The following HNRNPC variants were observed in gnomAD, a reference collection of about 807,000 sequenced individuals.
HNRNPC encodes the protein heterogeneous nuclear ribonucleoproteins C1/C2.
Under a neutral mutation model 33.2 loss-of-function variants are expected in HNRNPC, and 3 were observed. The observed-to-expected ratio is 0.09, with a 90% CI of 0.04 to 0.23. HNRNPC has a LOEUF of 0.23. Among genes scored for constraint, HNRNPC ranks in the 10% least tolerant of loss-of-function variants. The probability of loss-of-function intolerance (pLI) is 1.00; values close to 1 mark genes in which losing one functional copy is unlikely to be tolerated. For missense variants in HNRNPC, 143 were observed against 366.7 expected, an observed-to-expected ratio of 0.39 and a Z score of 4.98; for synonymous variants, 121 against 126.7, an observed-to-expected ratio of 0.96 and a Z score of 0.30.
chr14:21,213,320 T>C (rs897995137), intron 5 of HNRNPC: 17 of 543,836 alleles, frequency 3.1e-5, no homozygotes, highest in Admixed American at 6.8e-5. Context: ...CATAAAATAG[T>C]TGTAATACTG....
chr14:21,224,793 C>A (rs994996386), intron 5 of HNRNPC, among the ~76,000 whole-genome samples: 9 of 152,282 alleles, frequency 5.9e-5, no homozygotes, highest in African/African-American at 2.2e-4. Flanking sequence ...ACAACTCAAT[C>A]TTTGTTACAT....
At chr14:21,238,401 C>T (rs1425422507) in intron 2 of HNRNPC, among the ~76,000 whole-genome samples, 1 of 152,108 alleles carries the variant, frequency 6.6e-6, no homozygotes, top group African/African-American at 2.4e-5. Flanking sequence ...AGAAACACAT[C>T]AAAATATCTT....
chr14:21,246,855 G>C (rs1437842436), intron 2 of HNRNPC, among the ~76,000 whole-genome samples: 1 of 152,156 alleles, frequency 6.6e-6, no homozygotes, highest in Non-Finnish European at 1.5e-5. Flanking sequence ...CAATGAAGAA[G>C]ACATTTGTGA....
At chr14:21,232,500 G>T (rs1169604757) in intron 3 of HNRNPC, among the ~76,000 whole-genome samples, 2 of 151,900 alleles carry the variant, frequency 1.3e-5, no homozygotes, top group African/African-American at 2.4e-5. Context: ...CTCCTGAGCG[G>T]CTGGGATTAC....
chr14:21,251,216 G>A (rs1353823939), intron 2 of HNRNPC, among the ~76,000 whole-genome samples: 3 of 117,608 alleles, frequency 2.6e-5, no homozygotes, highest in South Asian at 2.9e-4. Context: ...AGCCGAGATC[G>A]CACCACTGCA....
intron 5 of HNRNPC, among the ~76,000 whole-genome samples, chr14:21,228,801 AG>A: frequency 6.6e-6 from 1 of 152,138 alleles, no homozygotes; most frequent in East Asian, 1.9e-4. Context: ...ATCTGAGGAA[AG>A]GGCTGGACAC....
At chr14:21,233,615 G>C (rs1048697480) in intron 3 of HNRNPC, among the ~76,000 whole-genome samples, 7 of 152,096 alleles carry the variant, frequency 4.6e-5, no homozygotes, top group African/African-American at 1.4e-4. Flanking sequence ...AATCCCAATG[G>C]GGAGACAAGC....
chr14:21,251,210 G>A (rs1016195781), intron 2 of HNRNPC, among the ~76,000 whole-genome samples: 5 of 125,634 alleles, frequency 4.0e-5, no homozygotes, highest in Non-Finnish European at 7.8e-5. Flanking sequence ...GCAGTGAGCC[G>A]AGATCGCACC....
rs764664777 is a variant in HNRNPC at position 21,211,289 on chromosome 14, A to G, written c.816T>C (p.Asp272=). 1.1e-5 allele frequency: 17 copies of G among 1,613,948 alleles called. No individual in the cohort carries two copies. Among genetic ancestry groups the G allele is most frequent in the Non-Finnish European group, 7.6e-6 (9 of 1,180,020 alleles). The part of the protein sequence containing the change: ...RGDDQLELIK[D]DEKEAEEGED... ...CTCCTTCCTCAGCCTCTTTTTCATC[A>G]TCCTTGATCAACTCCAGCTGTGAGA... The change falls in exon 9 of 9, where the codon GAT becomes GAC. Residue 272 remains aspartate (D), a synonymous_variant. Transcript: ENST00000553300.
rs775489713 is a variant in HNRNPC at position 21,211,553 on chromosome 14, A to T, written c.651T>A (p.Asn217Lys). ...EQSKQAVEMK[N>K]DKSEEEQSSS... The stretch of plus-strand genomic sequence containing the variant: ...TGCTCTGCTCCTCTTCTGACTTATC[A>T]TTCTTCATCTCTACTGCGGATGAGA... The change falls in exon 8 of 9, where the codon AAT becomes AAA. Residue 217 changes from asparagine (N) to lysine (K), a missense_variant. Physicochemically the swap from Asn to Lys is moderately conservative, Grantham distance 94. This residue lies in a region of HNRNPC where 131 missense variants were observed against 253.0 expected (regional missense o/e 0.52). Transcript: ENST00000553300. The T allele has an allele frequency of 6.2e-7, 1 of 1,608,408 alleles. No individual in the cohort carries two copies. The highest frequency in any genetic ancestry group is 1.3e-5 in the African/African-American group (1 of 74,226).
At chr14:21,254,734 T>G (rs763098575) in intron 2 of HNRNPC, 2 of 152,096 alleles carry the variant, frequency 1.3e-5, no homozygotes, top group Non-Finnish European at 2.9e-5. Flanking sequence ...GGTGAAACCC[T>G]GTCTCTTGTA....
intron 2 of HNRNPC, among the ~76,000 whole-genome samples, chr14:21,235,131 C>G (rs1046658691): frequency 1.3e-5 from 2 of 152,162 alleles, no homozygotes; most frequent in Non-Finnish European, 2.9e-5. Flanking sequence ...TATGCAGATT[C>G]ACAATACCAT....
chr14:21,215,240 T>G (rs560503624), intron 5 of HNRNPC, among the ~76,000 whole-genome samples: 2 of 152,314 alleles, frequency 1.3e-5, no homozygotes, highest in Admixed American at 1.3e-4. Context: ...TCTGAGGAAG[T>G]AGTCCTTGCC....
chr14:21,225,778 A>T (rs1893351734), intron 5 of HNRNPC, among the ~76,000 whole-genome samples: 1 of 152,164 alleles, frequency 6.6e-6, no homozygotes, highest in South Asian at 2.1e-4. Context: ...TCACCATTTA[A>T]AAGGGTGCCA....
At chr14:21,248,313 GATTAC>G (rs1326456504) in intron 2 of HNRNPC, among the ~76,000 whole-genome samples, 1 of 152,138 alleles carries the variant, frequency 6.6e-6, no homozygotes, top group African/African-American at 2.4e-5. Context: ...CAAAATTTGG[GATTAC>G]AGGCGTGAGC....
chr14:21,233,594 G>A (rs751735432), intron 3 of HNRNPC, among the ~76,000 whole-genome samples: 3 of 152,082 alleles, frequency 2.0e-5, no homozygotes, highest in Admixed American at 6.6e-5. Context: ...TCGGCCCAAC[G>A]GATGGAGTGA....
chr14:21,229,509 G>A (rs921672802), intron 5 of HNRNPC, among the ~76,000 whole-genome samples: 4 of 151,942 alleles, frequency 2.6e-5, no homozygotes, highest in African/African-American at 4.8e-5. Flanking sequence ...ATTCCTTTTC[G>A]GGCCTTACTC....
chr14:21,231,261 GTAA>G (rs1472524643), intron 3 of HNRNPC, 189 bp from the exon 4 acceptor site: 2 of 681,914 alleles, frequency 2.9e-6, no homozygotes, highest in African/African-American at 3.5e-5. Context: ...AGCCTCGAGA[GTAA>G]CTGTCACTAC....
intron 2 of HNRNPC, among the ~76,000 whole-genome samples, chr14:21,251,682 A>T (rs1896696958): frequency 6.6e-6 from 1 of 152,198 alleles, no homozygotes; most frequent in Admixed American, 6.5e-5. Flanking sequence ...CGTCTCAAAA[A>T]AAAAAGACAC....
Sources: gnomAD v4.1 joint callset for allele counts (sites outside exome capture counted in the v4.1 genomes callset) on GRCh38, gnomAD v4.1.1 for gene constraint, gnomAD v4.1.1 regional missense constraint, MANE v1.5 for transcripts, NCBI Gene and HGNC (gene_info 2026-07-23, HGNC 2026-07-21) for gene names.